LMBR1: variants seen among roughly 807,000 people sequenced by gnomAD.
The protein encoded by LMBR1 is limb region 1 protein homolog.
LMBR1 carries 52 observed loss-of-function variants against 73.9 expected under a neutral mutation model. The ratio of observed to expected loss-of-function variants is 0.70; its 90% CI spans 0.56 to 0.89. LMBR1 has a LOEUF of 0.89. Among genes scored for constraint, LMBR1 ranks in the 40% least tolerant of loss-of-function variants. The pLI is 0.00. For missense variants in LMBR1, 539 were observed against 579.8 expected (o/e 0.93, Z 0.72); for synonymous variants, 215 against 209.4 (o/e 1.03, Z -0.23).
chr7:156,763,444 C>CA (rs56125376), intron 6 of LMBR1, among the ~76,000 whole-genome samples: 1 of 149,592 alleles, frequency 6.7e-6, no homozygotes, highest in Non-Finnish European at 1.5e-5. Context: ...TTAACAAAAA[C>CA]AAAAAAAAAA....
intron 4 of LMBR1, among the ~76,000 whole-genome samples, chr7:156,820,608 T>C (rs1026860814): frequency 1.3e-5 from 2 of 152,192 alleles, no homozygotes; most frequent in Non-Finnish European, 2.9e-5. Flanking sequence ...GTAGGGTATA[T>C]GGAGATATCC....
At chr7:156,799,577 A>G (rs547737770) in intron 4 of LMBR1, among the ~76,000 whole-genome samples, 1 of 152,022 alleles carries the variant, frequency 6.6e-6, no homozygotes, top group Admixed American at 6.6e-5. Flanking sequence ...TCCTTCTCCT[A>G]GGGCCTCCCC....
At chr7:156,698,622 AC>A (rs1466661925) in intron 15 of LMBR1, among the ~76,000 whole-genome samples, 2 of 152,176 alleles carry the variant, frequency 1.3e-5, no homozygotes, top group African/African-American at 4.8e-5. Context: ...CCCAAGCTGT[AC>A]CCTGGCCCTT....
chr7:156,874,708 G>T (rs1799902501), intron 1 of LMBR1, among the ~76,000 whole-genome samples: 1 of 152,168 alleles, frequency 6.6e-6, no homozygotes, highest in Admixed American at 6.5e-5. Context: ...AATCACTGCA[G>T]CTCGGCCCTC....
intron 1 of LMBR1, among the ~76,000 whole-genome samples, chr7:156,837,412 A>G (rs2133929974): frequency 1.3e-5 from 2 of 148,422 alleles, no homozygotes; most frequent in African/African-American, 5.0e-5. Flanking sequence ...TACCATTTGA[A>G]AAAAAAAAAA....
At chr7:156,837,585 C>T (rs1490695091) in intron 1 of LMBR1, among the ~76,000 whole-genome samples, 1 of 152,102 alleles carries the variant, frequency 6.6e-6, no homozygotes, top group Admixed American at 6.5e-5. Context: ...AGCTTCAATT[C>T]ATTTAAAGAA....
chr7:156,701,439 A>G (rs1390931658), intron 15 of LMBR1, among the ~76,000 whole-genome samples: 1 of 152,190 alleles, frequency 6.6e-6, no homozygotes, highest in Non-Finnish European at 1.5e-5. Context: ...AGTCAGGTAA[A>G]TGGTACATAT....
intron 1 of LMBR1, among the ~76,000 whole-genome samples, chr7:156,848,133 G>T (rs1313645744): frequency 6.6e-6 from 1 of 150,582 alleles, no homozygotes; most frequent in African/African-American, 2.4e-5. Context: ...AACTCTGGAA[G>T]AAAACCTAGG....
At chr7:156,880,369 G>T (rs968222582) in intron 1 of LMBR1, among the ~76,000 whole-genome samples, 10 of 152,030 alleles carry the variant, frequency 6.6e-5, no homozygotes, top group African/African-American at 2.4e-4. Context: ...AAGGGGTGAG[G>T]GATAAAAGAC....
chr7:156,818,836 G>C (rs1054197133), intron 4 of LMBR1, among the ~76,000 whole-genome samples: 2 of 151,866 alleles, frequency 1.3e-5, no homozygotes, highest in Admixed American at 6.6e-5. Context: ...TTATTTTTTC[G>C]GTCCATTTTT....
At chr7:156,700,454 T>G (rs1433833213) in intron 15 of LMBR1, among the ~76,000 whole-genome samples, 1 of 151,928 alleles carries the variant, frequency 6.6e-6, no homozygotes, top group Non-Finnish European at 1.5e-5. Context: ...AATGATGAGT[T>G]AATGGGTGCA....
intron 1 of LMBR1, among the ~76,000 whole-genome samples, chr7:156,852,961 CAG>C (rs1796442189): frequency 6.8e-6 from 1 of 147,696 alleles, no homozygotes; most frequent in African/African-American, 2.5e-5. Flanking sequence ...TTTTTTGAGA[CAG>C]AGTCTCAATC....
chr7:156,770,339 T>C (rs1188032595), intron 5 of LMBR1, among the ~76,000 whole-genome samples: 1 of 152,122 alleles, frequency 6.6e-6, no homozygotes, highest in Non-Finnish European at 1.5e-5. Flanking sequence ...AGTTCTAAAC[T>C]GCATCAGAAC....
At chr7:156,744,577 C>T (rs887838788) in intron 9 of LMBR1, among the ~76,000 whole-genome samples, 8 of 152,150 alleles carry the variant, frequency 5.3e-5, no homozygotes, top group African/African-American at 1.9e-4. Flanking sequence ...TAGCTCTGCA[C>T]TTCACGTCTA....
chr7:156,725,030 T>G (rs1815431408), intron 14 of LMBR1, among the ~76,000 whole-genome samples: 1 of 152,152 alleles, frequency 6.6e-6, no homozygotes, highest in Non-Finnish European at 1.5e-5. Context: ...AACTCTTCCG[T>G]CTTACTTTAA....
At chr7:156,699,206 G>C (rs905999318) in intron 15 of LMBR1, among the ~76,000 whole-genome samples, 3 of 152,094 alleles carry the variant, frequency 2.0e-5, no homozygotes, top group Non-Finnish European at 2.9e-5. Flanking sequence ...CCAAAACAGA[G>C]ATATAGATCA....
At chr7:156,800,774 T>C (rs1830834236) in intron 4 of LMBR1, among the ~76,000 whole-genome samples, 1 of 152,176 alleles carries the variant, frequency 6.6e-6, no homozygotes, top group Non-Finnish European at 1.5e-5. Context: ...ATTAAGAATA[T>C]CTGTGATTCA....
chr7:156,782,198 T>A (rs1827259322), intron 5 of LMBR1, among the ~76,000 whole-genome samples: 1 of 152,198 alleles, frequency 6.6e-6, no homozygotes. Flanking sequence ...ATATATCACG[T>A]GTGGTTTACT....
intron 1 of LMBR1, among the ~76,000 whole-genome samples, chr7:156,855,666 C>CAAAAAAAAAAAAAAAAAAAA (rs35231167): frequency 2.3e-5 from 2 of 87,276 alleles, no homozygotes; most frequent in Non-Finnish European, 4.4e-5. Context: ...AACGTAAATA[C>CAAAAAAAAAAAAAAAAAAAA]AAAAAAAAAA....
Sources: gnomAD v4.1 joint callset for allele counts (sites outside exome capture counted in the v4.1 genomes callset) on GRCh38, gnomAD v4.1.1 for gene constraint, MANE v1.5 for transcripts, NCBI Gene and HGNC (gene_info 2026-07-23, HGNC 2026-07-21) for gene names.